Variants in LRRC4C observed in about 807,000 individuals in gnomAD.
The protein encoded by LRRC4C is leucine rich repeat containing 4C.
A neutral mutation model predicts 33.6 loss-of-function variants in LRRC4C; 5 were observed. That is an observed-to-expected ratio of 0.15 (90% CI 0.08 to 0.31). LRRC4C has a LOEUF of 0.31. Among genes scored for constraint, LRRC4C ranks in the 10% least tolerant of loss-of-function variants. The pLI is 1.00. For missense variants in LRRC4C, 560 were observed against 796.7 expected (o/e 0.70, Z 3.58); for synonymous variants, 329 against 302.0 (o/e 1.09, Z -0.93).
At chr11:40,538,272 A>G (rs548260959) in intron 3 of LRRC4C, among the ~76,000 whole-genome samples, 219 of 152,040 alleles carry the variant, frequency 1.4e-3, no homozygotes, top group African/African-American at 5.0e-3. Context: ...TCCTAATGCT[A>G]TCCCTCCCCC....
intron 4 of LRRC4C, among the ~76,000 whole-genome samples, chr11:40,312,345 G>A (rs890998073): frequency 6.6e-6 from 1 of 152,150 alleles, no homozygotes; most frequent in Admixed American, 6.6e-5. Context: ...CCATTTGAAT[G>A]ATCTTGAACA....
chr11:40,523,986 T>C (rs970059485), intron 3 of LRRC4C, among the ~76,000 whole-genome samples: 2 of 152,152 alleles, frequency 1.3e-5, no homozygotes, highest in Non-Finnish European at 2.9e-5. Context: ...AATAAAACAA[T>C]ACTCTCCAAT....
intron 1 of LRRC4C, among the ~76,000 whole-genome samples, chr11:41,411,294 G>A (rs551502261): frequency 6.6e-6 from 1 of 151,096 alleles, no homozygotes; most frequent in African/African-American, 2.4e-5. Context: ...GACTACAGGT[G>A]CCCACCACCA....
At chr11:40,140,366 A>C (rs1435273737) in intron 6 of LRRC4C, among the ~76,000 whole-genome samples, 1 of 152,076 alleles carries the variant, frequency 6.6e-6, no homozygotes, top group Non-Finnish European at 1.5e-5. Context: ...TGGTGGTGTA[A>C]AGAGGGAGCT....
chr11:40,733,026 A>G (rs186785275), intron 2 of LRRC4C, among the ~76,000 whole-genome samples: 1 of 126,786 alleles, frequency 7.9e-6, no homozygotes, highest in Non-Finnish European at 1.6e-5. Flanking sequence ...GTTGGAATGT[A>G]TGTCTGCCTG....
intron 1 of LRRC4C, among the ~76,000 whole-genome samples, chr11:41,431,277 C>A (rs1351200304): frequency 6.6e-6 from 1 of 151,974 alleles, no homozygotes; most frequent in Non-Finnish European, 1.5e-5. Context: ...ATCTTGCAGT[C>A]ACAATCTCCA....
chr11:40,764,046 G>A (rs1044068987), intron 2 of LRRC4C, among the ~76,000 whole-genome samples: 1 of 152,160 alleles, frequency 6.6e-6, no homozygotes, highest in Admixed American at 6.5e-5. Flanking sequence ...ACTTTGGGGA[G>A]AGACTCTTTC....
chr11:41,060,515 C>T (rs956550721), intron 1 of LRRC4C, among the ~76,000 whole-genome samples: 9 of 152,040 alleles, frequency 5.9e-5, no homozygotes, highest in African/African-American at 2.2e-4. Context: ...CACATATGTC[C>T]TTTTCTAGGT....
intron 2 of LRRC4C, among the ~76,000 whole-genome samples, chr11:40,912,190 A>G (rs985182924): frequency 2.0e-5 from 3 of 152,168 alleles, no homozygotes; most frequent in African/African-American, 7.2e-5. Flanking sequence ...CAGGAAATAC[A>G]GAGAATGCCA....
chr11:40,628,617 G>T (rs186054828), intron 3 of LRRC4C, among the ~76,000 whole-genome samples: 79 of 152,322 alleles, frequency 5.2e-4, no homozygotes, highest in African/African-American at 1.9e-3. Context: ...GTCAAAGTTT[G>T]TGAACGTGCT....
intron 1 of LRRC4C, among the ~76,000 whole-genome samples, chr11:41,011,870 T>A (rs1019353027): frequency 1.6e-4 from 20 of 128,218 alleles, no homozygotes; most frequent in Admixed American, 8.8e-4. Flanking sequence ...ATTTTTGAGA[T>A]GGAGTCTTAC....
At chr11:40,595,725 T>C (rs954410891) in intron 3 of LRRC4C, among the ~76,000 whole-genome samples, 3 of 152,086 alleles carry the variant, frequency 2.0e-5, no homozygotes, top group African/African-American at 7.2e-5. Context: ...CTTCACTGAC[T>C]CCCAGGAGTA....
intron 5 of LRRC4C, among the ~76,000 whole-genome samples, chr11:40,221,810 A>T (rs1158618179): frequency 6.6e-6 from 1 of 151,944 alleles, no homozygotes; most frequent in Non-Finnish European, 1.5e-5. Context: ...GCCCCCAGTC[A>T]CGTACCCCCT....
intron 1 of LRRC4C, among the ~76,000 whole-genome samples, chr11:41,179,775 T>G (rs1945365257): frequency 6.6e-6 from 1 of 152,214 alleles, no homozygotes; most frequent in South Asian, 2.1e-4. Flanking sequence ...AATTTTGACA[T>G]TAATTGGCTT....
At chr11:41,214,575 CAAAAAAA>C (rs547167050) in intron 1 of LRRC4C, among the ~76,000 whole-genome samples, 49 of 34,758 alleles carry the variant, frequency 1.4e-3, no homozygotes, top group East Asian at 4.5e-3. Context: ...ACTAAAAATA[CAAAAAAA>C]AAAAAAAAAA....
chr11:40,118,509 C>T (rs967566803), intron 6 of LRRC4C, among the ~76,000 whole-genome samples: 1 of 152,106 alleles, frequency 6.6e-6, no homozygotes, highest in Non-Finnish European at 1.5e-5. Flanking sequence ...AGAGCACTAA[C>T]ATCAGAGCAA....
At chr11:40,295,274 C>A (rs1944452766) in intron 4 of LRRC4C, among the ~76,000 whole-genome samples, 1 of 151,860 alleles carries the variant, frequency 6.6e-6, no homozygotes, top group Non-Finnish European at 1.5e-5. Flanking sequence ...TGTATGTAAC[C>A]TTGAGATAGG....
At chr11:41,442,749 G>A (rs577301908) in intron 1 of LRRC4C, among the ~76,000 whole-genome samples, 1 of 151,972 alleles carries the variant, frequency 6.6e-6, no homozygotes, top group Non-Finnish European at 1.5e-5. Flanking sequence ...GATTACAGGC[G>A]TGAGCCACCG....
chr11:40,287,372 C>A (rs372168553), intron 4 of LRRC4C, among the ~76,000 whole-genome samples: 4 of 150,940 alleles, frequency 2.7e-5, no homozygotes, highest in African/African-American at 9.7e-5. Context: ...TATATATGTG[C>A]GTGCCTGCGT....
Sources: gnomAD v4.1 joint callset for allele counts (sites outside exome capture counted in the v4.1 genomes callset) on GRCh38, gnomAD v4.1.1 for gene constraint, MANE v1.5 for transcripts, NCBI Gene and HGNC (gene_info 2026-07-23, HGNC 2026-07-21) for gene names.